Variants in GABBR2 observed in about 807,000 individuals in gnomAD.
The protein encoded by GABBR2 is G-protein coupled receptor 51.
A neutral mutation model predicts 105.6 loss-of-function variants in GABBR2; 23 were observed. The ratio of observed to expected loss-of-function variants is 0.22; its 90% CI spans 0.16 to 0.31. The LOEUF (loss-of-function observed/expected upper bound fraction) is 0.31. Ranked by LOEUF, GABBR2 falls within the 10% of genes least tolerant of loss-of-function variation. GABBR2 has a pLI of 1.00. For missense variants in GABBR2, 734 were observed against 1,245.5 expected, an observed-to-expected ratio of 0.59 and a Z score of 6.18; for synonymous variants, 478 against 499.7, an observed-to-expected ratio of 0.96 and a Z score of 0.58.
intron 1 of GABBR2, among the ~76,000 whole-genome samples, chr9:98,669,628 T>C (rs1168505077): frequency 6.6e-6 from 1 of 152,202 alleles, no homozygotes; most frequent in Non-Finnish European, 1.5e-5. Context: ...GTCATCCTAT[T>C]AGCTGTTGTT....
At chr9:98,651,346 G>T (rs746614529) in intron 1 of GABBR2, among the ~76,000 whole-genome samples, 1 of 151,988 alleles carries the variant, frequency 6.6e-6, no homozygotes, top group East Asian at 1.9e-4. Flanking sequence ...GTTTCACCAT[G>T]TTGGCCAGGC....
At chr9:98,506,488 G>A (rs1037644939) in intron 3 of GABBR2, among the ~76,000 whole-genome samples, 2 of 152,170 alleles carry the variant, frequency 1.3e-5, no homozygotes, top group Non-Finnish European at 2.9e-5. Flanking sequence ...AGCTGGTCTC[G>A]CAGGGATGAG....
At chr9:98,596,991 C>T (rs557793884) in intron 1 of GABBR2, among the ~76,000 whole-genome samples, 4 of 152,254 alleles carry the variant, frequency 2.6e-5, no homozygotes, top group East Asian at 3.9e-4. Context: ...AGGGCTGACT[C>T]GCCTTCCCTA....
At chr9:98,601,456 G>A (rs938398833) in intron 1 of GABBR2, among the ~76,000 whole-genome samples, 5 of 152,196 alleles carry the variant, frequency 3.3e-5, no homozygotes, top group African/African-American at 4.8e-5. Flanking sequence ...GTTGGAGCCT[G>A]CAGTAAGCTA....
chr9:98,403,293 C>CAAAAAA (rs546167489), intron 8 of GABBR2, among the ~76,000 whole-genome samples: 2 of 86,122 alleles, frequency 2.3e-5, no homozygotes, highest in African/African-American at 4.5e-5. Context: ...GACTCCGTCT[C>CAAAAAA]AAAAAAAAAA....
chr9:98,325,080 C>T (rs1161447213), intron 13 of GABBR2, among the ~76,000 whole-genome samples: 1 of 152,232 alleles, frequency 6.6e-6, no homozygotes, highest in South Asian at 2.1e-4. Flanking sequence ...GCCAACGGCC[C>T]ACTGTCCAGT....
intron 7 of GABBR2, among the ~76,000 whole-genome samples, chr9:98,438,547 G>A (rs1319670447): frequency 6.6e-6 from 1 of 152,124 alleles, no homozygotes; most frequent in Non-Finnish European, 1.5e-5. Flanking sequence ...TCAAGGAGTT[G>A]GTAGTAGAAG....
At chr9:98,463,721 C>T (rs1410400484) in intron 6 of GABBR2, among the ~76,000 whole-genome samples, 1 of 152,054 alleles carries the variant, frequency 6.6e-6, no homozygotes, top group African/African-American at 2.4e-5. Flanking sequence ...CTGCAACCTC[C>T]CTGCCTCGGG....
At chr9:98,293,937 G>C (rs530258053) in intron 17 of GABBR2, 35 bp from the exon 18 acceptor site, 6 of 1,238,416 alleles carry the variant, frequency 4.8e-6, no homozygotes, top group South Asian at 4.8e-5. Flanking sequence ...AACATGTTCG[G>C]TTAACTTAGT....
intron 3 of GABBR2, among the ~76,000 whole-genome samples, chr9:98,531,294 A>G (rs1409511180): frequency 2.0e-5 from 3 of 152,200 alleles, no homozygotes; most frequent in Non-Finnish European, 2.9e-5. Flanking sequence ...CACTCTGAGG[A>G]CCTGGTGTGG....
intron 3 of GABBR2, among the ~76,000 whole-genome samples, chr9:98,524,762 T>G (rs1447338789): frequency 6.6e-6 from 1 of 151,964 alleles, no homozygotes; most frequent in Non-Finnish European, 1.5e-5. Flanking sequence ...ACCACCACCC[T>G]CTACTCGGTG....
chr9:98,628,883 C>A (rs1829780863), intron 1 of GABBR2, among the ~76,000 whole-genome samples: 1 of 152,222 alleles, frequency 6.6e-6, no homozygotes, highest in Non-Finnish European at 1.5e-5. Flanking sequence ...CGCGCGTGCA[C>A]CTACCCCTAC....
At position 98,560,402 on chromosome 9, in the gene GABBR2, TAC is replaced by T. The variant is rs1251088489; in HGVS notation, c.459+17531_459+17532del. On this transcript the variant is annotated intron_variant, in intron 2 of 18. Coordinates refer to ENST00000259455, the MANE Select transcript of GABBR2 (RefSeq NM_005458.8). ...ACACGTGCGTGTGCGCATACACACATACACACACACACACATATACACATACA... is the reference window on the plus strand; with the variant it reads ...ACACGTGCGTGTGCGCATACACACATACACACACACACATATACACATACA... Among the ~76,000 whole-genome samples the T allele has an allele frequency of 4.4e-3, 471 of 106,658 alleles. 4 individuals carry two copies. Among genetic ancestry groups the T allele is most frequent in the African/African-American group, 0.011 (379 of 35,594 alleles). The allele number at this position is 106,658 out of a possible 152,430, so 70.0% of individuals were successfully genotyped here. A position where few individuals can be genotyped will look rare whatever the true frequency, so the allele number is the denominator to read the frequency against.
intron 1 of GABBR2, among the ~76,000 whole-genome samples, chr9:98,692,447 A>G (rs541038293): frequency 6.6e-6 from 1 of 152,352 alleles, no homozygotes; most frequent in African/African-American, 2.4e-5. Flanking sequence ...ATTCTCGTCC[A>G]TGAAGCCAAC....
At chr9:98,581,218 G>C (rs1419402503) in intron 1 of GABBR2, 2 of 152,448 alleles carry the variant, frequency 1.3e-5, no homozygotes, top group Non-Finnish European at 2.9e-5. Flanking sequence ...GGGAACACTT[G>C]AGACGGGAAT....
intron 7 of GABBR2, among the ~76,000 whole-genome samples, chr9:98,420,957 G>A (rs773147734): frequency 2.2e-4 from 34 of 152,256 alleles, no homozygotes; most frequent in African/African-American, 6.7e-4. Context: ...AATGGAAAGC[G>A]GAGATCTCTT....
intron 11 of GABBR2, among the ~76,000 whole-genome samples, chr9:98,379,065 G>T (rs1447954897): frequency 6.6e-6 from 1 of 152,134 alleles, no homozygotes; most frequent in African/African-American, 2.4e-5. Flanking sequence ...TCCCGTCTGT[G>T]TCATTCTTAC....
intron 5 of GABBR2, among the ~76,000 whole-genome samples, chr9:98,479,744 G>A (rs1826872788): frequency 6.6e-6 from 1 of 152,216 alleles, no homozygotes; most frequent in South Asian, 2.1e-4. Context: ...ACCCTGCCCT[G>A]GGTGTAGACA....
rs1554691259 is a variant in GABBR2 at position 98,327,870 on chromosome 9, A to AT, written c.1894-16666_1894-16665insA. Among the ~76,000 whole-genome samples the AT allele has an allele frequency of 2.6e-5, 4 of 151,066 alleles. No individual in the cohort carries two copies. The South Asian group carries it at 8.4e-4, about 32-fold the overall frequency. On this transcript the variant is annotated intron_variant, in intron 13 of 18. Transcript: ENST00000259455. ...GGTGACAGAGTGAGACTGTCTCAAA[A>AT]AAAATAAAATAAAATAAAATAAAAC...
Sources: gnomAD v4.1 joint callset for allele counts (sites outside exome capture counted in the v4.1 genomes callset) on GRCh38, gnomAD v4.1.1 for gene constraint, MANE v1.5 for transcripts, NCBI Gene and HGNC (gene_info 2026-07-23, HGNC 2026-07-21) for gene names.